Variants in CCDC27 observed in about 807,000 individuals in gnomAD.
CCDC27 encodes coiled-coil domain-containing protein 27.
In CCDC27, 80 loss-of-function variants were observed where a neutral mutation model predicts 80.3. The ratio of observed to expected loss-of-function variants is 1.00; its 90% confidence interval spans 0.83 to 1.20. The LOEUF (loss-of-function observed/expected upper bound fraction) is 1.20. CCDC27 is among the 50% of genes most tolerant of loss of function. CCDC27 has a pLI of 0.00. For missense variants in CCDC27, 815 were observed against 809.4 expected (o/e 1.01, Z -0.08); for synonymous variants, 342 against 334.3 (o/e 1.02, Z -0.25).
In CCDC27 at chr1:3,761,578, AG is replaced by A. The variant is rs1397520983; in HGVS notation, c.861+151del. On this transcript the variant is annotated intron_variant, in intron 5 of 11. Transcript: ENST00000294600. The surrounding 1 kb of genome is among the most constrained non-coding windows in gnomAD (Gnocchi z 5.0). ...CTCACTGGAACGTGGACCGGTTCTC[AG>A]GGTTCTGATCAACAGGCAGGGGAGA... The A allele has an allele frequency of 1.1e-6, 1 of 932,850 alleles. No individual in the cohort carries two copies. Among genetic ancestry groups the A allele is most frequent in the Non-Finnish European group, 1.6e-6 (1 of 639,804 alleles). The allele number at this position is 932,850 out of a possible 1,614,324, so 57.8% of individuals were successfully genotyped here.
In CCDC27 at chr1:3,771,460, GC is replaced by G. The variant is rs751021664; in HGVS notation, c.1915del (p.Leu639CysfsTer8). On this transcript the variant is annotated frameshift_variant, in exon 12 of 12. Coordinates refer to ENST00000294600, the MANE Select transcript of CCDC27 (RefSeq NM_152492.3). LOFTEE classifies it low-confidence loss of function (END_TRUNC). ...AGCTGAAGCAGAAAGGCGTCAAAGT[GC>G]CCCCCCTGCAACAGTCAGAGGCCTT... is the stretch of plus-strand genomic sequence containing the variant. ...NQLKQKGVKV[P>X]PLQQSEAFLT... is the part of the protein sequence containing the mutation. 6.2e-7 allele frequency: 1 copy of G among 1,613,808 alleles called. No individual in the cohort carries two copies. The highest frequency in any genetic ancestry group is 2.2e-5 in the East Asian group (1 of 44,878).
intron 11 of CCDC27, among the ~76,000 whole-genome samples, chr1:3,771,059 G>A (rs999723276): frequency 6.6e-6 from 1 of 152,178 alleles, no homozygotes; most frequent in African/African-American, 2.4e-5. Flanking sequence ...AACTCTAAGA[G>A]GGCTGAAGAG....
intron 2 of CCDC27, among the ~76,000 whole-genome samples, chr1:3,755,054 C>T (rs776575770): frequency 2.0e-5 from 3 of 152,170 alleles, no homozygotes; most frequent in Non-Finnish European, 2.9e-5. Context: ...GTGGGGTCTG[C>T]GTCTACATAC....
At position 3,763,437 on chromosome 1, in the gene CCDC27, C is replaced by A; in HGVS notation, c.1284C>A (p.Asn428Lys). The change falls in exon 7 of 12, where the codon AAC becomes AAA. Residue 428 changes from asparagine (N) to lysine (K), a missense_variant. Transcript: ENST00000294600. The surrounding 1 kb of genome is among the most constrained non-coding windows in gnomAD (Gnocchi z 7.5). ...AGGTCATCCTGGACTTCCAGTTCAA[C>A]CTGGAGGCCACCAGGACCAGATACT... ...YEQVILDFQF[N>K]LEATRTRYSL... is the part of the protein sequence containing the mutation. The A allele has an allele frequency of 1.2e-6, 2 of 1,610,402 alleles. No homozygotes were observed. The highest frequency in any genetic ancestry group is 1.7e-6 in the Non-Finnish European group (2 of 1,178,834).
chr1:3,752,646 G>A lies in CCDC27; in HGVS notation c.165G>A (p.Arg55=), dbSNP rs1459986688. 1.9e-6 allele frequency: 3 copies of A among 1,614,098 alleles called. No individual in the cohort carries two copies. The highest frequency in any genetic ancestry group is 2.2e-5 in the South Asian group (2 of 91,086). The change falls in exon 1 of 12, where the codon AGG becomes AGA. Residue 55 remains arginine (R), a synonymous_variant. Coordinates refer to ENST00000294600, the MANE Select transcript of CCDC27 (RefSeq NM_152492.3). ...MLPKEASPSQ[R]HSSMSSSMAR... is the part of the protein sequence containing the mutation. ...CTAAGGAGGCCAGCCCATCTCAGAG[G>A]CACAGTTCGATGTCCAGCTCGATGG... is the stretch of plus-strand genomic sequence containing the variant.
rs868640860 is a variant in CCDC27 at position 3,756,750 on chromosome 1, A to C, written c.571A>C (p.Ser191Arg). ...TNVDGYLLPF[S>R]KSICEFDYLR... ...CGCCACAGGGTACCTCCTTCCCTTCAGTAAGAGCATCTGCGAGTTCGATTA... is the reference window on the plus strand; with the variant it reads ...CGCCACAGGGTACCTCCTTCCCTTCCGTAAGAGCATCTGCGAGTTCGATTA... Residue 191 changes from serine to arginine, a missense_variant, in exon 4 of 12, where the codon AGT becomes CGT. Transcript: ENST00000294600. The C allele has an allele frequency of 3.1e-6, 5 of 1,613,938 alleles. No individual in the cohort carries two copies. In the African/African-American group the frequency reaches 5.3e-5, roughly 17 times the overall value.
At chr1:3,767,753 G>T (rs1471220853) in intron 10 of CCDC27, among the ~76,000 whole-genome samples, 1 of 152,212 alleles carries the variant, frequency 6.6e-6, no homozygotes, top group Non-Finnish European at 1.5e-5. Context: ...GAAAGGAGGA[G>T]GGCACCTGGA....
In CCDC27 at chr1:3,769,797, G is replaced by C; in HGVS notation, c.1758G>C (p.Arg586Ser). Residue 586 changes from arginine (R) to serine (S), a missense_variant, in exon 11 of 12, where the codon AGG becomes AGC. Transcript: ENST00000294600. This position sits in a 1 kb window ranked among gnomAD's most constrained non-coding sequence, Gnocchi z 4.6. ...TTTGCTCACAGCTCGAGAGGTTAAG[G>C]AATAAGATCATCCAGGCCACCTTTA... ...ESSQSRLERL[R>S]NKIIQATFSI... The C allele has an allele frequency of 6.2e-7, 1 of 1,613,870 alleles. No individual in the cohort carries two copies. The highest frequency in any genetic ancestry group is 1.7e-5 in the Admixed American group (1 of 60,020).
rs1570695495 is a variant in CCDC27 at position 3,752,456 on chromosome 1, C to T, written c.-26C>T. The T allele has an allele frequency of 3.7e-6, 6 of 1,610,228 alleles. No individual in the cohort carries two copies. The Admixed American group carries it at 6.7e-5, about 18-fold the overall frequency. On this transcript the variant is annotated 5_prime_UTR_variant, in exon 1 of 12. Coordinates refer to ENST00000294600, the MANE Select transcript of CCDC27 (RefSeq NM_152492.3). ...ACCTGGAGCTCTGGAAGCTGATCTCCTCCCACTGCACCAGCCAGCAGGTTC... is the reference window on the plus strand; with the variant it reads ...ACCTGGAGCTCTGGAAGCTGATCTCTTCCCACTGCACCAGCCAGCAGGTTC...
Position 3,769,713 on chromosome 1 carries a change from G to T in CCDC27, c.1744-70G>T. The T allele has an allele frequency of 9.9e-7, 1 of 1,006,196 alleles. No homozygotes were observed. The allele number at this position is 1,006,196 out of a possible 1,614,324, so 62.3% of individuals were successfully genotyped here. A position where few individuals can be genotyped will look rare whatever the true frequency, so the allele number is the denominator to read the frequency against. On this transcript the variant is annotated intron_variant, in intron 10 of 11. Transcript: ENST00000294600. This position sits in a 1 kb window ranked among gnomAD's most constrained non-coding sequence, Gnocchi z 4.6. ...TGGTACATAAAAAATAAGGTGGTGG[G>T]GGGTGCAGCCCACTGGCCAGGTGCC... is the stretch of plus-strand genomic sequence containing the variant.
Position 3,752,750 on chromosome 1 carries a change from G to A in CCDC27, c.269G>A (p.Arg90His), listed in dbSNP as rs1276108731. Residue 90 changes from arginine to histidine, a missense_variant, in exon 1 of 12, where the codon CGC (arginine) becomes CAC (histidine). Coordinates refer to ENST00000294600, the MANE Select transcript of CCDC27 (RefSeq NM_152492.3). ...GAATGGAAACCGCACCAAAAGCCAC[G>A]CACGCTCAGCAAGTCGGTCCAGACC... Reference protein sequence around the residue: ...CPEWKPHQKPRTLSKSVQTIS... With the variant: ...CPEWKPHQKPHTLSKSVQTIS... 7 of 1,613,544 alleles carry A rather than the reference G, an allele frequency of 4.3e-6. No homozygotes were observed. The highest frequency in any genetic ancestry group is 3.3e-5 in the South Asian group (3 of 91,082).
rs1489427568 is a variant in CCDC27 at position 3,769,016 on chromosome 1, A to C, written c.1744-767A>C. 6.6e-6 allele frequency among the ~76,000 whole-genome samples: 1 copy of C among 152,194 alleles called. No homozygotes were observed. The highest frequency in any genetic ancestry group is 1.5e-5 in the Non-Finnish European group (1 of 68,018). ...TGTGGACATGCTTCCACTCGGAGGC[A>C]AGGCTGAGCCTCTCGGGCCCAGCTC... On this transcript the variant is annotated intron_variant, in intron 10 of 11. Transcript: ENST00000294600. The surrounding 1 kb of genome is among the most constrained non-coding windows in gnomAD (Gnocchi z 4.6).
chr1:3,769,981 T>C lies in CCDC27; in HGVS notation c.1848+94T>C, dbSNP rs1643322050. The C allele has an allele frequency of 3.5e-6, 3 of 859,182 alleles. No homozygotes were observed. Among genetic ancestry groups the C allele is most frequent in the Non-Finnish European group, 6.0e-6 (3 of 502,682 alleles). The allele number at this position is 859,182 out of a possible 1,614,324, so 53.2% of individuals were successfully genotyped here. ...TGTGGGGGGCCTAGATTCCAGGGAC[T>C]CTGTTCTCATCCTACCTGTGTCACC... On this transcript the variant is annotated intron_variant, in intron 11 of 11. Coordinates refer to ENST00000294600, the MANE Select transcript of CCDC27 (RefSeq NM_152492.3). This position sits in a 1 kb window ranked among gnomAD's most constrained non-coding sequence, Gnocchi z 4.6.
chr1:3,765,918 G>A (rs1401086678), intron 8 of CCDC27, among the ~76,000 whole-genome samples: 1 of 151,176 alleles, frequency 6.6e-6, no homozygotes, highest in African/African-American at 2.4e-5. Flanking sequence ...ACCCAGGCTG[G>A]AGTTCAGTGG....
chr1:3,758,566 T>C, intron 4 of CCDC27, among the ~76,000 whole-genome samples: 1 of 152,192 alleles, frequency 6.6e-6, no homozygotes, highest in East Asian at 1.9e-4. Flanking sequence ...GCAGCCTCCA[T>C]CTAAAGGGGC....
chr1:3,756,898 C>G lies in CCDC27; in HGVS notation c.711+8C>G. 5.6e-6 allele frequency: 9 copies of G among 1,606,000 alleles called. No individual in the cohort carries two copies. Among genetic ancestry groups the G allele is most frequent in the Non-Finnish European group, 6.8e-6 (8 of 1,175,080 alleles). On this transcript the variant is annotated splice_region_variant and intron_variant, in intron 4 of 11. Transcript: ENST00000294600. ...TCAGTCATCCACGAGAAGGTACTGG[C>G]GGAGGGGGTGCAAATCCCGGCCCCC...
intron 11 of CCDC27, among the ~76,000 whole-genome samples, chr1:3,770,662 C>T (rs1037280430): frequency 6.6e-6 from 1 of 152,168 alleles, no homozygotes; most frequent in African/African-American, 2.4e-5. Flanking sequence ...CCAGTGTGTG[C>T]CCCTGACCTT....
At chr1:3,757,749 C>T (rs973159830) in intron 4 of CCDC27, among the ~76,000 whole-genome samples, 3 of 152,018 alleles carry the variant, frequency 2.0e-5, no homozygotes, top group African/African-American at 4.8e-5. Context: ...CGCGAAACCC[C>T]GTCTCTACTA....
At position 3,763,112 on chromosome 1, in the gene CCDC27, A is replaced by T; in HGVS notation, c.959A>T (p.Gln320Leu). Reference sequence around the variant, plus strand: ...CCTGCCCTACCCATCTTACAGATGCAGGAGGAGTCTGCGGCACCGGAGAGG... The same window carrying T: ...CCTGCCCTACCCATCTTACAGATGCTGGAGGAGTCTGCGGCACCGGAGAGG... ...EEELQHWWQMQEESAAPERGK... is the reference protein window; with the variant it reads ...EEELQHWWQMLEESAAPERGK... Residue 320 changes from glutamine (Q) to leucine (L), a missense_variant, in exon 7 of 12, where the codon CAG becomes CTG. Physicochemically the swap from Gln to Leu is moderately radical, Grantham distance 113. Coordinates refer to ENST00000294600, the MANE Select transcript of CCDC27 (RefSeq NM_152492.3). The surrounding 1 kb of genome is among the most constrained non-coding windows in gnomAD (Gnocchi z 7.5). 1 of 1,474,282 alleles carries T rather than the reference A, an allele frequency of 6.8e-7. No homozygotes were observed. Among genetic ancestry groups the T allele is most frequent in the Non-Finnish European group, 9.0e-7 (1 of 1,112,018 alleles). 91.3% of individuals were successfully genotyped at this position (1,474,282 alleles called of 1,614,324 possible).
Sources: gnomAD v4.1 joint callset for allele counts (sites outside exome capture counted in the v4.1 genomes callset) on GRCh38, gnomAD v4.1.1 for gene constraint, Gnocchi (gnomAD v3.1) non-coding constraint, MANE v1.5 for transcripts, NCBI Gene and HGNC (gene_info 2026-07-23, HGNC 2026-07-21) for gene names.